Variants in PREX1 observed in about 807,000 individuals in gnomAD.
PREX1 encodes phosphatidylinositol 3,4,5-trisphosphate-dependent Rac exchanger 1 protein.
PREX1 carries 41 observed loss-of-function variants against 198.3 expected under a neutral mutation model. That is an observed-to-expected ratio of 0.21 (90% CI 0.16 to 0.27). The LOEUF is 0.27. Ranked by LOEUF, PREX1 falls within the 10% of genes least tolerant of loss-of-function variation. PREX1 has a pLI of 1.00. For synonymous variants in PREX1, 843 were observed against 887.2 expected (o/e 0.95, Z 0.89); for missense variants, 1,620 against 2,200.7 (o/e 0.74, Z 5.28).
intron 31 of PREX1, 68 bp downstream of exon 31, chr20:48,637,643 T>C (rs1347399688): frequency 6.2e-6 from 9 of 1,448,560 alleles, no homozygotes; most frequent in Non-Finnish European, 8.4e-6. Flanking sequence ...CCCGAGGGCA[T>C]GGATGGTCGG....
rs781427861 is a variant in PREX1, at chr20:48,645,983, A to G, written c.3380T>C (p.Leu1127Pro). ...CTCGCTCTCTTCACTGACCAGGGGC[A>G]GGGAGGAGGCCTCCTCAGCCAAGGA... is the stretch of plus-strand genomic sequence containing the variant. ...DASLAEEASSLPLVSEESEMD... is the reference protein window; with the variant it reads ...DASLAEEASSPPLVSEESEMD... The change falls in exon 26 of 40, where the codon CTG (leucine) becomes CCG (proline). Residue 1127 changes from leucine to proline, a missense_variant. Physicochemically the swap from Leu to Pro is moderately conservative, Grantham distance 98. This residue lies in a region of PREX1 where 514 missense variants were observed against 611.6 expected (regional missense o/e 0.84). Coordinates refer to ENST00000371941, the MANE Select transcript of PREX1 (RefSeq NM_020820.4). 6.2e-7 allele frequency: 1 copy of G among 1,614,222 alleles called. No individual in the cohort carries two copies. The highest frequency in any genetic ancestry group is 1.7e-5 in the Admixed American group (1 of 60,030).
chr20:48,875,987 G>A, the PREX1 span, among the ~76,000 whole-genome samples: 173 of 152,236 alleles, frequency 1.1e-3, 2 homozygotes, highest in African/African-American at 3.8e-3. Context: ...CAGAGCCTCC[G>A]ATGCCTGACA....
At chr20:48,764,218 C>T (rs1054770875) in intron 1 of PREX1, among the ~76,000 whole-genome samples, 1 of 152,294 alleles carries the variant, frequency 6.6e-6, no homozygotes, top group African/African-American at 2.4e-5. Context: ...TCTGATCCAA[C>T]GTGAAAGGAG....
At chr20:48,658,443 AG>A (rs1008612010) in intron 16 of PREX1, among the ~76,000 whole-genome samples, 1 of 152,220 alleles carries the variant, frequency 6.6e-6, no homozygotes, top group Admixed American at 6.5e-5. Context: ...ACGGATCCAA[AG>A]GTGTCCAGCC....
At chr20:48,699,001 T>A (rs1568829788) in intron 7 of PREX1, among the ~76,000 whole-genome samples, 1 of 151,994 alleles carries the variant, frequency 6.6e-6, no homozygotes. Context: ...CAAACACTAC[T>A]ACAAGGAGGG....
At chr20:48,640,761 T>TG (rs35948884) in intron 29 of PREX1, among the ~76,000 whole-genome samples, 39,260 of 151,668 alleles carry the variant, frequency 0.26, 5,175 homozygotes, top group South Asian at 0.39. Flanking sequence ...GACAGGTAGA[T>TG]GATGAATGAA....
chr20:48,677,457 G>A (rs1238423503), intron 13 of PREX1, among the ~76,000 whole-genome samples: 1 of 152,168 alleles, frequency 6.6e-6, no homozygotes, highest in Non-Finnish European at 1.5e-5. Context: ...GAGCTTTGTG[G>A]TAAAAAGAAT....
chr20:48,816,989 C>A (rs1344553634), intron 1 of PREX1, among the ~76,000 whole-genome samples: 2 of 152,204 alleles, frequency 1.3e-5, no homozygotes, highest in African/African-American at 2.4e-5. Context: ...TGATCCTAGG[C>A]AAGTGACCTC....
intron 1 of PREX1, among the ~76,000 whole-genome samples, chr20:48,824,805 G>A (rs1041078880): frequency 3.3e-5 from 5 of 151,908 alleles, no homozygotes; most frequent in African/African-American, 7.3e-5. Context: ...CCACTACACC[G>A]TCCTCTCCTT....
At chr20:48,627,021 G>T (rs529621661) in intron 39 of PREX1, among the ~76,000 whole-genome samples, 1 of 152,148 alleles carries the variant, frequency 6.6e-6, no homozygotes, top group African/African-American at 2.4e-5. Flanking sequence ...TGCCAAAGAC[G>T]GCAGGAACAG....
At position 48,651,638 on chromosome 20, in the gene PREX1, G is replaced by A. The variant is rs1024032026; in HGVS notation, c.2468-55C>T. On this transcript the variant is annotated intron_variant, in intron 21 of 39. Coordinates refer to ENST00000371941, the MANE Select transcript of PREX1 (RefSeq NM_020820.4). ...AGAGATCAGAGGGAGGGAGGAAGGC[G>A]AGGCGAGGAGGATTCTGGAGGAAGC... The A allele has an allele frequency of 5.0e-5, 76 of 1,535,222 alleles. No individual in the cohort carries two copies. The East Asian group carries it at 8.9e-4, about 18-fold the overall frequency.
At chr20:48,635,583 C>T (rs998781820) in intron 32 of PREX1, among the ~76,000 whole-genome samples, 4 of 152,240 alleles carry the variant, frequency 2.6e-5, no homozygotes, top group Admixed American at 6.5e-5. Context: ...CACACTCTTC[C>T]TCACACTGTC....
chr20:48,807,202 T>TC (rs945085561), intron 1 of PREX1, among the ~76,000 whole-genome samples: 2 of 152,066 alleles, frequency 1.3e-5, no homozygotes, highest in African/African-American at 4.8e-5. Flanking sequence ...TTTTCTACAC[T>TC]CCCCCCCATT....
chr20:48,762,099 T>C (rs970180026), intron 1 of PREX1, among the ~76,000 whole-genome samples: 13 of 152,172 alleles, frequency 8.5e-5, no homozygotes, highest in African/African-American at 3.1e-4. Flanking sequence ...CTACTTCGCC[T>C]TTACCCTCAC....
At chr20:48,653,956 T>C (rs1432784662) in intron 19 of PREX1, among the ~76,000 whole-genome samples, 2 of 152,248 alleles carry the variant, frequency 1.3e-5, no homozygotes, top group Non-Finnish European at 2.9e-5. Flanking sequence ...CCCCAAACCG[T>C]AGGTCTTGAA....
intron 11 of PREX1, 38 bp from the exon 12 acceptor site, chr20:48,679,792 C>T: frequency 6.6e-7 from 1 of 1,504,814 alleles, no homozygotes; most frequent in Non-Finnish European, 9.2e-7. Flanking sequence ...TGGGCACGCC[C>T]CCTCAGCCCC....
rs928549645 is a variant in PREX1, at chr20:48,625,794, G to A, written c.*91C>T. The A allele has an allele frequency of 5.8e-6, 8 of 1,382,528 alleles. No homozygotes were observed. Among genetic ancestry groups the A allele is most frequent in the African/African-American group, 1.5e-5 (1 of 65,770 alleles). 85.6% of individuals were successfully genotyped at this position (1,382,528 alleles called of 1,614,324 possible). A position where few individuals can be genotyped will look rare whatever the true frequency, so the allele number is the denominator to read the frequency against. On this transcript the variant is annotated 3_prime_UTR_variant, in exon 40 of 40. Coordinates refer to ENST00000371941, the MANE Select transcript of PREX1 (RefSeq NM_020820.4). ...CGGAACGGGCGGCTGCGGAAGCCTT[G>A]GGCCATCCCTGGAGAAGGCCAGCGC...
In PREX1 at chr20:48,636,693, G is replaced by A; in HGVS notation, c.3947-10C>T. On this transcript the variant is annotated splice_polypyrimidine_tract_variant and intron_variant, in intron 31 of 39. Coordinates refer to ENST00000371941, the MANE Select transcript of PREX1 (RefSeq NM_020820.4). ...AGCTGCAGCTCCGTGTCTGGGGGCA[G>A]AGGGCAGGAGGCCTTGCTGGAGGGG... 2 of 1,586,866 alleles carry A rather than the reference G, an allele frequency of 1.3e-6. No homozygotes were observed. Among genetic ancestry groups the A allele is most frequent in the East Asian group, 4.6e-5 (2 of 43,748 alleles).
chr20:48,763,098 C>T (rs1026601664), intron 1 of PREX1, among the ~76,000 whole-genome samples: 2 of 152,234 alleles, frequency 1.3e-5, no homozygotes, highest in Non-Finnish European at 2.9e-5. Flanking sequence ...CTGTACACTT[C>T]AAATGGGTAA....
Sources: gnomAD v4.1 joint callset for allele counts (sites outside exome capture counted in the v4.1 genomes callset) on GRCh38, gnomAD v4.1.1 for gene constraint, gnomAD v4.1.1 regional missense constraint, MANE v1.5 for transcripts, NCBI Gene and HGNC (gene_info 2026-07-23, HGNC 2026-07-21) for gene names.